The following CHEK1 variants were observed in gnomAD, a reference collection of about 807,000 sequenced individuals.
CHEK1 encodes serine/threonine-protein kinase Chk1.
A neutral mutation model predicts 60.2 loss-of-function variants in CHEK1; 32 were observed. The ratio of observed to expected loss-of-function variants is 0.53; its 90% CI spans 0.40 to 0.71. CHEK1 has a LOEUF of 0.71. Among genes scored for constraint, CHEK1 ranks in the 30% least tolerant of loss-of-function variants. CHEK1 has a pLI of 0.00. For missense variants in CHEK1, 399 were observed against 564.6 expected (o/e 0.71, Z 2.97); for synonymous variants, 179 against 187.2 (o/e 0.96, Z 0.36).
At chr11:125,673,213 T>C (rs2134104776) in intron 13 of CHEK1, among the ~76,000 whole-genome samples, 1 of 30,270 alleles carries the variant, frequency 3.3e-5, no homozygotes, top group Admixed American at 4.9e-4. Flanking sequence ...TTTTCTTTTC[T>C]TTTTTTTTTT....
intron 8 of CHEK1, among the ~76,000 whole-genome samples, chr11:125,642,552 G>A (rs1941347585): frequency 6.6e-6 from 1 of 152,142 alleles, no homozygotes; most frequent in Non-Finnish European, 1.5e-5. Flanking sequence ...AAAAAAACTT[G>A]AGCATGTTTA....
At chr11:125,662,196 G>T (rs1942029898) in intron 13 of CHEK1, among the ~76,000 whole-genome samples, 1 of 152,176 alleles carries the variant, frequency 6.6e-6, no homozygotes, top group Middle Eastern at 3.2e-3. Flanking sequence ...AACAATTCTG[G>T]AGTCTGGGAA....
At chr11:125,665,243 GT>G (rs1009301693) in intron 13 of CHEK1, among the ~76,000 whole-genome samples, 2 of 140,124 alleles carry the variant, frequency 1.4e-5, no homozygotes, top group African/African-American at 5.2e-5. Flanking sequence ...TTTTTTTTTG[GT>G]TTCTGTCCTT....
intron 6 of CHEK1, among the ~76,000 whole-genome samples, chr11:125,634,502 T>G (rs1282690387): frequency 1.3e-5 from 2 of 151,932 alleles, no homozygotes; most frequent in South Asian, 2.1e-4. Flanking sequence ...TGTTGTGGGT[T>G]TTTTTTCACA....
chr11:125,676,452 C>T (rs761419378), downstream of CHEK1: 3 of 1,614,108 alleles, frequency 1.9e-6, no homozygotes, highest in Non-Finnish European at 1.7e-6. Context: ...TTCATATAAG[C>T]ACATGTGTAG....
At position 125,629,388 on chromosome 11, in the gene CHEK1, T is replaced by C; in HGVS notation, c.355-3T>C. 5 of 1,613,788 alleles carry C rather than the reference T, an allele frequency of 3.1e-6. No homozygotes were observed. The highest frequency in any genetic ancestry group is 4.2e-6 in the Non-Finnish European group (5 of 1,179,740). ...AGTGTGTTTCTCTCTGCATCCCTCT[T>C]AGGTTTATCTGCATGGTATTGGAAT... On this transcript the variant is annotated splice_polypyrimidine_tract_variant and splice_region_variant and intron_variant, in intron 4 of 12. Coordinates refer to ENST00000438015, the MANE Select transcript of CHEK1 (RefSeq NM_001114122.3).
chr11:125,640,753 A>G (rs1941271640), intron 8 of CHEK1, among the ~76,000 whole-genome samples: 1 of 151,898 alleles, frequency 6.6e-6, no homozygotes, highest in African/African-American at 2.4e-5. Context: ...TATTTTTGGT[A>G]GAGATGAGGT....
downstream of CHEK1, chr11:125,677,961 A>C (rs879040694): frequency 1.9e-6 from 3 of 1,612,224 alleles, no homozygotes; most frequent in Non-Finnish European, 2.5e-6. Flanking sequence ...AAGCTCACTC[A>C]AAGGCTGTTC....
chr11:125,626,369 G>T, intron 1 of CHEK1: 1 of 422,200 alleles, frequency 2.4e-6, no homozygotes, highest in Non-Finnish European at 4.3e-6. Flanking sequence ...TGCCGCAGGC[G>T]TTTTCTGCCC....
downstream of CHEK1, among the ~76,000 whole-genome samples, chr11:125,657,940 T>G (rs1941949614): frequency 6.6e-6 from 1 of 152,256 alleles, no homozygotes; most frequent in African/African-American, 2.4e-5. Context: ...AAGTGTACAG[T>G]TACTGGAAAA....
At chr11:125,672,697 C>A in intron 13 of CHEK1, 2 of 1,614,116 alleles carry the variant, frequency 1.2e-6, no homozygotes, top group Non-Finnish European at 8.5e-7. Flanking sequence ...CACCCTTGAA[C>A]CATGAATTGG....
chr11:125,653,341 A>G lies in CHEK1; in HGVS notation c.1234-405A>G, dbSNP rs1941801016. ...GTGACCCTTCTGCCTCAGCCCCCTG[A>G]GTAGCTGGGCCTGTAGGCATGCACC... On this transcript the variant is annotated intron_variant, in intron 11 of 12. Coordinates refer to ENST00000438015, the MANE Select transcript of CHEK1 (RefSeq NM_001114122.3). The surrounding 1 kb of genome is among the most constrained non-coding windows in gnomAD (Gnocchi z 4.3). Among the ~76,000 whole-genome samples, 1 of 152,108 alleles carries G rather than the reference A, an allele frequency of 6.6e-6. No homozygotes were observed. The highest frequency in any genetic ancestry group is 2.1e-4 in the South Asian group (1 of 4,826).
rs77913417 is a variant in CHEK1, at chr11:125,675,394, A to G, written c.*28-534A>G. Among the ~76,000 whole-genome samples, 4 of 152,250 alleles carry G rather than the reference A, an allele frequency of 2.6e-5. No individual in the cohort carries two copies. In the East Asian group the frequency reaches 7.7e-4, roughly 29 times the overall value. On this transcript the variant is annotated intron_variant, in intron 13 of 13. Coordinates refer to the CHEK1 transcript ENST00000428830. The stretch of plus-strand genomic sequence containing the variant: ...CATAATCTCTTTGTACACAGTTTAT[A>G]TTTGAGTCATCTTTCTGTAGTTCAT...
intron 8 of CHEK1, among the ~76,000 whole-genome samples, chr11:125,642,298 C>T (rs1262782122): frequency 6.6e-6 from 1 of 152,150 alleles, no homozygotes; most frequent in African/African-American, 2.4e-5. Flanking sequence ...CAATCCAACA[C>T]GTTTCTTCAT....
At chr11:125,677,661 G>T, downstream of CHEK1, 1 of 1,211,362 alleles carries the variant, frequency 8.3e-7, no homozygotes. Flanking sequence ...GAGAACTAGA[G>T]AGACTTTGAG....
chr11:125,672,398 G>T, intron 13 of CHEK1: 1 of 595,390 alleles, frequency 1.7e-6, no homozygotes, highest in Non-Finnish European at 2.8e-6. Flanking sequence ...AGTTGGAGCA[G>T]GGAAGACAGG....
rs1940577752 is a variant in CHEK1 at position 125,625,997 on chromosome 11, G to A, written c.-36G>A. 1.4e-6 allele frequency: 1 copy of A among 701,798 alleles called. No homozygotes were observed. Among genetic ancestry groups the A allele is most frequent in the African/African-American group, 1.7e-5 (1 of 57,266 alleles). 43.5% of individuals were successfully genotyped at this position (701,798 alleles called of 1,614,324 possible). On this transcript the variant is annotated 5_prime_UTR_variant, in exon 1 of 13. It introduces an in-frame stop codon into an upstream open reading frame of the 5' UTR. Coordinates refer to ENST00000438015, the MANE Select transcript of CHEK1 (RefSeq NM_001114122.3). ...CTGCATTTGGATTCCTGCAGTGGTG[G>A]GCAAAGGACAGTCCGGTGAGGAAGG...
At chr11:125,652,902 C>A (rs936781886) in intron 11 of CHEK1, among the ~76,000 whole-genome samples, 4 of 152,102 alleles carry the variant, frequency 2.6e-5, no homozygotes, top group African/African-American at 9.7e-5. Flanking sequence ...CTACAGTGGT[C>A]TAGAACTTAC....
At chr11:125,626,622 T>C (rs1940624772) in intron 1 of CHEK1, 127 bp from the exon 2 acceptor site, 1 of 741,548 alleles carries the variant, frequency 1.3e-6, no homozygotes, top group African/African-American at 1.7e-5. Context: ...TGGATAAATG[T>C]GGATGAGATA....
Sources: gnomAD v4.1 joint callset for allele counts (sites outside exome capture counted in the v4.1 genomes callset) on GRCh38, gnomAD v4.1.1 for gene constraint, Gnocchi (gnomAD v3.1) non-coding constraint, MANE v1.5 for transcripts, NCBI Gene and HGNC (gene_info 2026-07-23, HGNC 2026-07-21) for gene names.